Variants in GPR176 observed in about 807,000 individuals in gnomAD.
The protein encoded by GPR176 is G-protein coupled receptor 176.
GPR176 carries 26 observed loss-of-function variants against 35.4 expected under a neutral mutation model. The ratio of observed to expected loss-of-function variants is 0.74; its 90% CI spans 0.54 to 1.02. GPR176 has a LOEUF of 1.02. Ranked by LOEUF, GPR176 falls within the 50% of genes least tolerant of loss-of-function variation. GPR176 has a pLI of 0.00. For missense variants in GPR176, 597 were observed against 665.3 expected, an observed-to-expected ratio of 0.90 and a Z score of 1.13; for synonymous variants, 278 against 271.3, an observed-to-expected ratio of 1.02 and a Z score of -0.24.
intron 1 of GPR176, among the ~76,000 whole-genome samples, chr15:39,872,944 T>A (rs2032103473): frequency 7.1e-6 from 1 of 141,310 alleles, no homozygotes; most frequent in Admixed American, 7.1e-5. Flanking sequence ...TGTGTGTGTG[T>A]GTGTGTGTGT....
chr15:39,847,675 G>A (rs2030533640), intron 1 of GPR176, among the ~76,000 whole-genome samples: 1 of 142,896 alleles, frequency 7.0e-6, no homozygotes, highest in African/African-American at 2.5e-5. Flanking sequence ...CCTGGGATGT[G>A]GAGGTTGCAG....
chr15:39,913,162 A>G (rs774696760), intron 1 of GPR176, among the ~76,000 whole-genome samples: 31 of 152,266 alleles, frequency 2.0e-4, no homozygotes, highest in Non-Finnish European at 3.7e-4. Context: ...ACATGGATGA[A>G]TCCTGAAAAT....
intron 1 of GPR176, among the ~76,000 whole-genome samples, chr15:39,867,354 T>C (rs181118422): frequency 4.6e-4 from 70 of 151,352 alleles, no homozygotes; most frequent in Admixed American, 2.8e-3. Context: ...AAACTGGGGG[T>C]TGAGATTCCA....
At chr15:39,894,450 C>T (rs2033026570) in intron 1 of GPR176, 3 of 165,364 alleles carry the variant, frequency 1.8e-5, no homozygotes, top group Admixed American at 6.4e-5. Flanking sequence ...CGGAGGGGCT[C>T]CTCACTTCTC....
At chr15:39,843,935 A>G (rs2030222229) in intron 1 of GPR176, among the ~76,000 whole-genome samples, 1 of 152,148 alleles carries the variant, frequency 6.6e-6, no homozygotes, top group Non-Finnish European at 1.5e-5. Flanking sequence ...TGCTACGACA[A>G]TATTATTTGT....
intron 1 of GPR176, among the ~76,000 whole-genome samples, chr15:39,885,458 C>G (rs1215367889): frequency 6.6e-6 from 1 of 152,202 alleles, no homozygotes; most frequent in African/African-American, 2.4e-5. Flanking sequence ...ACCTGGAGGT[C>G]TCCAAAGTAA....
At chr15:39,817,575 T>A (rs1235174962) in intron 1 of GPR176, among the ~76,000 whole-genome samples, 2 of 152,246 alleles carry the variant, frequency 1.3e-5, no homozygotes, top group African/African-American at 4.8e-5. Context: ...CTAACTAACG[T>A]TGCAGCATCG....
At chr15:39,902,956 G>GA (rs1481986259) in intron 1 of GPR176, among the ~76,000 whole-genome samples, 1 of 152,208 alleles carries the variant, frequency 6.6e-6, no homozygotes, top group Non-Finnish European at 1.5e-5. Flanking sequence ...CCCAACCTAT[G>GA]AGAGTTCCAC....
Position 39,807,130 on chromosome 15 carries a change from G to T in GPR176, c.301C>A (p.Leu101Ile). The change falls in exon 2 of 3, where the codon CTC becomes ATC. Residue 101 changes from leucine (L) to isoleucine (I), a missense_variant. Around this residue, in one of 3 missense-constraint regions of GPR176, gnomAD observed 220 missense variants for 297.6 expected, o/e 0.74. Coordinates refer to ENST00000561100, the MANE Select transcript of GPR176 (RefSeq NM_007223.3). ...SLVCVPFDII[L>I]STSPHCCWWI... Reference sequence around the variant, plus strand: ...CAGCAACAGTGAGGACTGGTGCTGAGGATGATGTCGAAGGGCACACAGACC... The same window carrying T: ...CAGCAACAGTGAGGACTGGTGCTGATGATGATGTCGAAGGGCACACAGACC... The T allele has an allele frequency of 6.2e-7, 1 of 1,613,876 alleles. No individual in the cohort carries two copies. The highest frequency in any genetic ancestry group is 8.5e-7 in the Non-Finnish European group (1 of 1,179,848).
At chr15:39,894,368 C>G (rs910482517) in intron 1 of GPR176, 2 of 151,914 alleles carry the variant, frequency 1.3e-5, no homozygotes, top group African/African-American at 4.9e-5. Context: ...GCTGACCCCC[C>G]CACCTCCCTC....
intron 1 of GPR176, among the ~76,000 whole-genome samples, chr15:39,907,601 G>GC (rs1461692700): frequency 6.6e-6 from 1 of 152,114 alleles, no homozygotes; most frequent in African/African-American, 2.4e-5. Flanking sequence ...CTCACCCTTA[G>GC]CCCTCCCTGC....
chr15:39,844,342 G>A (rs2030250959), intron 1 of GPR176, among the ~76,000 whole-genome samples: 1 of 152,190 alleles, frequency 6.6e-6, no homozygotes, highest in Middle Eastern at 3.4e-3. Flanking sequence ...TGAAAAGGTA[G>A]TTTCCAACCA....
At chr15:39,832,890 T>G (rs1272265943) in intron 1 of GPR176, among the ~76,000 whole-genome samples, 1 of 152,158 alleles carries the variant, frequency 6.6e-6, no homozygotes, top group Non-Finnish European at 1.5e-5. Context: ...CTCTGGCACT[T>G]TCTGCCTCCA....
chr15:39,915,575 T>TA (rs774751046), intron 1 of GPR176, among the ~76,000 whole-genome samples: 25 of 152,256 alleles, frequency 1.6e-4, no homozygotes, highest in Middle Eastern at 3.4e-3. Context: ...TTTCTCTATT[T>TA]AAAAAATGTT....
chr15:39,901,748 G>A (rs1052098386), intron 1 of GPR176, among the ~76,000 whole-genome samples: 6 of 151,996 alleles, frequency 3.9e-5, no homozygotes, highest in Admixed American at 1.3e-4. Flanking sequence ...GTGAAGCACC[G>A]GCATCAAGGT....
chr15:39,845,014 T>C (rs2030317512), intron 1 of GPR176, among the ~76,000 whole-genome samples: 1 of 152,126 alleles, frequency 6.6e-6, no homozygotes, highest in South Asian at 2.1e-4. Flanking sequence ...GCATAGGTGT[T>C]ACCGGCACCA....
At chr15:39,890,666 C>CCA (rs200548587) in intron 1 of GPR176, among the ~76,000 whole-genome samples, 3 of 152,082 alleles carry the variant, frequency 2.0e-5, no homozygotes, top group Non-Finnish European at 2.9e-5. Context: ...GCTACAAATA[C>CCA]CACACACACA....
chr15:39,848,928 A>C (rs1483673930), intron 1 of GPR176, among the ~76,000 whole-genome samples: 1 of 150,964 alleles, frequency 6.6e-6, no homozygotes, highest in Non-Finnish European at 1.5e-5. Flanking sequence ...AAAAAAAAAA[A>C]ACCTAAAAAA....
chr15:39,818,548 A>G (rs1900065843), intron 1 of GPR176, among the ~76,000 whole-genome samples: 1 of 152,248 alleles, frequency 6.6e-6, no homozygotes, highest in Non-Finnish European at 1.5e-5. Context: ...CTCCAACAAT[A>G]GCTTCATCCA....
Sources: allele counts gnomAD v4.1 joint callset (sites outside exome capture counted in the v4.1 genomes callset), GRCh38; gene constraint gnomAD v4.1.1; regional missense constraint gnomAD v4.1.1; transcripts MANE v1.5; gene names NCBI Gene and HGNC (gene_info 2026-07-23, HGNC 2026-07-21).